The following AKAP6 variants were observed in gnomAD, a reference collection of about 807,000 sequenced individuals.
AKAP6 encodes the protein A-kinase anchor protein 6.
Under a neutral mutation model 188.5 loss-of-function variants are expected in AKAP6, and 58 were observed. That is an observed-to-expected ratio of 0.31 (90% confidence interval 0.25 to 0.38). The LOEUF (loss-of-function observed/expected upper bound fraction) is 0.38. Among genes scored for constraint, AKAP6 ranks in the 10% least tolerant of loss-of-function variants. AKAP6 has a pLI of 1.00. For missense variants in AKAP6, 2,710 were observed against 2,740.0 expected (o/e 0.99, Z 0.24); for synonymous variants, 989 against 998.6 (o/e 0.99, Z 0.18).
intron 7 of AKAP6, among the ~76,000 whole-genome samples, chr14:32,618,652 A>G (rs1886686573): frequency 6.6e-6 from 1 of 152,188 alleles, no homozygotes; most frequent in Admixed American, 6.5e-5. Context: ...TGCTGTGATA[A>G]ACATATTCAT....
At chr14:32,589,842 C>G (rs1358406745) in intron 5 of AKAP6, among the ~76,000 whole-genome samples, 3 of 152,148 alleles carry the variant, frequency 2.0e-5, no homozygotes, top group Admixed American at 6.5e-5. Flanking sequence ...AGTTTACAGA[C>G]AAGCCTCACA....
At chr14:32,600,219 A>G (rs534507157) in intron 6 of AKAP6, among the ~76,000 whole-genome samples, 19 of 152,330 alleles carry the variant, frequency 1.2e-4, no homozygotes, top group African/African-American at 4.1e-4. Context: ...TATTTACTGT[A>G]TTTCTCATTG....
intron 11 of AKAP6, among the ~76,000 whole-genome samples, chr14:32,739,024 T>C (rs76901475): frequency 0.047 from 7,118 of 152,130 alleles, 499 homozygotes; most frequent in East Asian, 0.38. Context: ...ATAGATACAG[T>C]CTGTGTCATC....
chr14:32,485,700 G>C (rs1255317435), intron 2 of AKAP6, among the ~76,000 whole-genome samples: 1 of 152,100 alleles, frequency 6.6e-6, no homozygotes, highest in Non-Finnish European at 1.5e-5. Context: ...GTTCCTTGTA[G>C]ATTCTGGATA....
intron 12 of AKAP6, among the ~76,000 whole-genome samples, chr14:32,782,328 C>G (rs984848650): frequency 1.3e-5 from 2 of 151,998 alleles, no homozygotes; most frequent in African/African-American, 4.8e-5. Flanking sequence ...CAGAATACTT[C>G]TCCTCTAAGA....
chr14:32,825,147 A>G (rs1402577687), intron 13 of AKAP6, among the ~76,000 whole-genome samples: 1 of 152,230 alleles, frequency 6.6e-6, no homozygotes, highest in Non-Finnish European at 1.5e-5. Flanking sequence ...ATTATACTCC[A>G]TGATCAAAAT....
intron 1 of AKAP6, among the ~76,000 whole-genome samples, chr14:32,354,586 G>T (rs778550723): frequency 1.3e-5 from 2 of 152,146 alleles, no homozygotes; most frequent in African/African-American, 4.8e-5. Flanking sequence ...TTATCCTATT[G>T]CTCTGGCTCT....
At chr14:32,534,023 A>G (rs116966630) in intron 2 of AKAP6, among the ~76,000 whole-genome samples, 1,761 of 152,330 alleles carry the variant, frequency 0.012, 14 homozygotes, top group Non-Finnish European at 0.02. Flanking sequence ...TCAAGAACTA[A>G]TATTGGAGCA....
chr14:32,707,860 C>T (rs1178780943), intron 9 of AKAP6, among the ~76,000 whole-genome samples: 1 of 151,854 alleles, frequency 6.6e-6, no homozygotes, highest in African/African-American at 2.4e-5. Flanking sequence ...AAAGACAGTT[C>T]CTAATACCAA....
Position 32,535,582 on chromosome 14 carries a change from T to C in AKAP6, c.353T>C (p.Val118Ala). 6.2e-7 allele frequency: 1 copy of C among 1,614,010 alleles called. No homozygotes were observed. Among genetic ancestry groups the C allele is most frequent in the East Asian group, 2.2e-5 (1 of 44,864 alleles). Residue 118 changes from valine (V) to alanine (A), a missense_variant, in exon 3 of 14, where the codon GTT (valine) becomes GCT (alanine). Val to Ala is a moderately conservative substitution (Grantham distance 64). This residue lies in a region of AKAP6 where 237 missense variants were observed against 313.9 expected (regional missense o/e 0.76). Transcript: ENST00000280979. ...KDICEDISDH[V>A]EQIHALLETE... ...ATTTGTGAAGATATTTCTGATCATGTTGAGCAAATCCATGCCCTCCTTGAA... is the reference window on the plus strand; with the variant it reads ...ATTTGTGAAGATATTTCTGATCATGCTGAGCAAATCCATGCCCTCCTTGAA...
intron 7 of AKAP6, among the ~76,000 whole-genome samples, chr14:32,613,969 T>C (rs1478429015): frequency 6.6e-6 from 1 of 152,192 alleles, no homozygotes; most frequent in African/African-American, 2.4e-5. Context: ...CTGCTACTAA[T>C]TTTGGTTGCA....
Position 32,501,179 on chromosome 14 carries a change from TC to T in AKAP6, c.325-34373del, listed in dbSNP as rs571232621. 3.9e-3 allele frequency among the ~76,000 whole-genome samples: 598 copies of T among 152,278 alleles called. 6 individuals are homozygous for T. The highest frequency in any genetic ancestry group is 0.028 in the South Asian group (137 of 4,826). ...AATATCTCTTATTTAACCCAATTTG[TC>T]CAAAATATTGTTTTAACATGTAATT... is the stretch of plus-strand genomic sequence containing the variant. On this transcript the variant is annotated intron_variant, in intron 2 of 13. Transcript: ENST00000280979.
At chr14:32,769,595 C>A (rs2032835722) in intron 11 of AKAP6, among the ~76,000 whole-genome samples, 1 of 151,266 alleles carries the variant, frequency 6.6e-6, no homozygotes, top group Non-Finnish European at 1.5e-5. Flanking sequence ...AAAGTCCCAC[C>A]ACTTTGTTCA....
At chr14:32,452,090 C>T (rs117875686) in intron 2 of AKAP6, among the ~76,000 whole-genome samples, 5,271 of 136,334 alleles carry the variant, frequency 0.039, 115 homozygotes, top group East Asian at 0.12. Flanking sequence ...GGTGCAATCA[C>T]GGCTCACTGC....
chr14:32,766,408 G>T (rs2032721525), intron 11 of AKAP6, among the ~76,000 whole-genome samples: 2 of 152,048 alleles, frequency 1.3e-5, no homozygotes, highest in Admixed American at 1.3e-4. Flanking sequence ...GTAATTATAT[G>T]TTTAACTTTT....
At position 32,759,002 on chromosome 14, in the gene AKAP6, A is replaced by G. The variant is rs76481028; in HGVS notation, c.3373-14676A>G. On this transcript the variant is annotated intron_variant, in intron 11 of 13. Transcript: ENST00000280979. ...CACCTTGTGTTTATGTTGCACCTCC[A>G]TACAAGGAGCTTAAAGAGCTTTACA... Among the ~76,000 whole-genome samples, 1,448 of 152,236 alleles carry G rather than the reference A, an allele frequency of 9.5e-3. 27 individuals are homozygous for G. The highest frequency in any genetic ancestry group is 0.032 in the African/African-American group (1,336 of 41,536).
At chr14:32,654,038 A>T (rs932249042) in intron 7 of AKAP6, among the ~76,000 whole-genome samples, 12 of 152,140 alleles carry the variant, frequency 7.9e-5, no homozygotes, top group African/African-American at 1.4e-4. Context: ...AAATCATTGT[A>T]CCTTAAACTC....
chr14:32,674,076 A>G (rs984974694), intron 7 of AKAP6, among the ~76,000 whole-genome samples: 1 of 152,222 alleles, frequency 6.6e-6, no homozygotes, highest in South Asian at 2.1e-4. Flanking sequence ...ATGAGAAGAC[A>G]TTAGCAAGAC....
intron 7 of AKAP6, among the ~76,000 whole-genome samples, chr14:32,609,298 G>A (rs1428278345): frequency 6.6e-6 from 1 of 152,182 alleles, no homozygotes; most frequent in Non-Finnish European, 1.5e-5. Context: ...TTGGAATTCA[G>A]TTGGAATATA....
Sources: allele counts gnomAD v4.1 joint callset (sites outside exome capture counted in the v4.1 genomes callset), GRCh38; gene constraint gnomAD v4.1.1; regional missense constraint gnomAD v4.1.1; transcripts MANE v1.5; gene names NCBI Gene and HGNC (gene_info 2026-07-23, HGNC 2026-07-21).